Variants in SMYD3 observed in about 807,000 individuals in gnomAD.
SMYD3 encodes the protein SET and MYND domain containing 3, also known as histone-lysine N-methyltransferase SMYD3.
In SMYD3, 36 loss-of-function variants were observed where a neutral mutation model predicts 57.7. That is an observed-to-expected ratio of 0.62 (90% CI 0.48 to 0.82). The LOEUF is 0.82. Among genes scored for constraint, SMYD3 ranks in the 40% least tolerant of loss-of-function variants. SMYD3 has a pLI of 0.00. For missense variants in SMYD3, 515 were observed against 538.8 expected (o/e 0.96, Z 0.44); for synonymous variants, 211 against 195.0 (o/e 1.08, Z -0.68).
rs137988247 is a variant in SMYD3 at position 245,837,527 on chromosome 1, G to A, written c.1076+20969C>T. Among the ~76,000 whole-genome samples, 85 of 152,232 alleles carry A rather than the reference G, an allele frequency of 5.6e-4. No individual in the cohort carries two copies. The Middle Eastern group carries it at 0.014, about 24-fold the overall frequency. On this transcript the variant is annotated intron_variant, in intron 10 of 11. Transcript: ENST00000490107. ...CTGCAGTCGTGGGAGATGAGGGCAC[G>A]TACACGAGGGAAGAAGCACAGAAAA...
intron 5 of SMYD3, among the ~76,000 whole-genome samples, chr1:246,065,437 A>C (rs2060324234): frequency 6.6e-6 from 1 of 152,358 alleles, no homozygotes; most frequent in South Asian, 2.1e-4. Flanking sequence ...TTACAGAAAC[A>C]CCACGGCAAA....
At chr1:246,337,823 T>C (rs2065569509) in intron 2 of SMYD3, among the ~76,000 whole-genome samples, 1 of 152,204 alleles carries the variant, frequency 6.6e-6, no homozygotes, top group Admixed American at 6.5e-5. Flanking sequence ...AGCCTCCTGA[T>C]AGCTTACCAG....
At chr1:245,920,552 C>T (rs912825019) in intron 7 of SMYD3, among the ~76,000 whole-genome samples, 3 of 152,118 alleles carry the variant, frequency 2.0e-5, no homozygotes, top group African/African-American at 4.8e-5. Context: ...ATATTATAGT[C>T]TTCAGGTACC....
At chr1:245,809,682 G>T (rs867784782) in intron 10 of SMYD3, among the ~76,000 whole-genome samples, 1 of 152,170 alleles carries the variant, frequency 6.6e-6, no homozygotes, top group South Asian at 2.1e-4. Context: ...ATCCTAGTGC[G>T]GGCACAATTG....
chr1:246,095,608 C>G (rs577101088), intron 5 of SMYD3, among the ~76,000 whole-genome samples: 1 of 152,286 alleles, frequency 6.6e-6, no homozygotes, highest in East Asian at 1.9e-4. Flanking sequence ...AGGCTGACAT[C>G]AAAAACACCA....
chr1:245,950,488 G>A (rs1042864953), intron 5 of SMYD3, among the ~76,000 whole-genome samples: 2 of 152,158 alleles, frequency 1.3e-5, no homozygotes, highest in African/African-American at 2.4e-5. Flanking sequence ...GGCCCTGAAC[G>A]TCTGACCACC....
At chr1:246,497,530 G>A (rs915032955) in intron 1 of SMYD3, among the ~76,000 whole-genome samples, 2 of 152,144 alleles carry the variant, frequency 1.3e-5, no homozygotes, top group African/African-American at 4.8e-5. Flanking sequence ...AAGAGATAAT[G>A]GGGAACTCCC....
At chr1:246,087,109 G>T (rs1033291716) in intron 5 of SMYD3, among the ~76,000 whole-genome samples, 2 of 152,112 alleles carry the variant, frequency 1.3e-5, no homozygotes, top group African/African-American at 4.8e-5. Context: ...TGCCACCAAA[G>T]CTCCTCTATC....
chr1:246,045,730 C>A (rs113460334), intron 5 of SMYD3, among the ~76,000 whole-genome samples: 3 of 151,534 alleles, frequency 2.0e-5, no homozygotes, highest in East Asian at 3.9e-4. Flanking sequence ...ATAATCTACC[C>A]ATTTGACAAA....
rs568268958 is a variant in SMYD3, at chr1:246,316,305, T to C, written c.531+10896A>G. Among the ~76,000 whole-genome samples, 5 of 151,480 alleles carry C rather than the reference T, an allele frequency of 3.3e-5. No homozygotes were observed. In the East Asian group the frequency reaches 9.7e-4, roughly 29 times the overall value. ...AGGAGACTGAGGCAGGAAGATTGCT[T>C]GAGCCCAGGAGTTTGAGGTCAGCCT... On this transcript the variant is annotated intron_variant, in intron 5 of 11. Transcript: ENST00000490107.
At chr1:245,939,183 G>T (rs999542224) in intron 5 of SMYD3, among the ~76,000 whole-genome samples, 1 of 150,860 alleles carries the variant, frequency 6.6e-6, no homozygotes, top group Admixed American at 6.6e-5. Context: ...AAAAAAAAAA[G>T]AATGTGAAGA....
intron 5 of SMYD3, among the ~76,000 whole-genome samples, chr1:246,164,440 G>GATAA (rs770081255): frequency 3.1e-4 from 47 of 152,044 alleles, no homozygotes; most frequent in South Asian, 4.2e-4. Context: ...TAAATAAATA[G>GATAA]ATAAATAAAT....
intron 5 of SMYD3, among the ~76,000 whole-genome samples, chr1:246,259,836 C>T (rs1466875024): frequency 6.6e-6 from 1 of 152,196 alleles, no homozygotes; most frequent in African/African-American, 2.4e-5. Context: ...CAGAGGTATG[C>T]CTAGGCATGG....
intron 5 of SMYD3, among the ~76,000 whole-genome samples, chr1:246,254,393 G>T (rs1157966262): frequency 1.3e-5 from 2 of 152,116 alleles, no homozygotes; most frequent in Admixed American, 6.6e-5. Context: ...TTGACAGGGA[G>T]TCCTTTCCTC....
chr1:246,273,138 T>C (rs1479574544), intron 5 of SMYD3, among the ~76,000 whole-genome samples: 2 of 126,736 alleles, frequency 1.6e-5, no homozygotes, highest in Non-Finnish European at 3.2e-5. Context: ...CTGTTTTCTT[T>C]TTTTTTTTTT....
At chr1:245,953,947 T>C (rs186873609) in intron 5 of SMYD3, among the ~76,000 whole-genome samples, 1 of 152,328 alleles carries the variant, frequency 6.6e-6, no homozygotes, top group Admixed American at 6.5e-5. Context: ...AATGATTATT[T>C]TAATTTTAAA....
intron 10 of SMYD3, among the ~76,000 whole-genome samples, chr1:245,825,590 C>T (rs558313644): frequency 2.6e-5 from 4 of 152,250 alleles, no homozygotes; most frequent in Middle Eastern, 3.4e-3. Flanking sequence ...TCTTGTCCCC[C>T]TCTCTGTTCA....
At chr1:246,185,015 C>G (rs1037791574) in intron 5 of SMYD3, among the ~76,000 whole-genome samples, 1 of 152,176 alleles carries the variant, frequency 6.6e-6, no homozygotes, top group Admixed American at 6.5e-5. Flanking sequence ...TAATGCAATG[C>G]TCTGTAAGGC....
At chr1:245,798,735 A>G (rs1301814483) in intron 10 of SMYD3, among the ~76,000 whole-genome samples, 1 of 151,912 alleles carries the variant, frequency 6.6e-6, no homozygotes, top group Non-Finnish European at 1.5e-5. Flanking sequence ...TTATTAGATG[A>G]CCACTCAAAG....
Sources: allele counts gnomAD v4.1 joint callset (sites outside exome capture counted in the v4.1 genomes callset), GRCh38; gene constraint gnomAD v4.1.1; transcripts MANE v1.5; gene names NCBI Gene and HGNC (gene_info 2026-07-23, HGNC 2026-07-21).